Variants in CAVIN1 observed in about 807,000 individuals in gnomAD.
The protein encoded by CAVIN1 is caveolae associated protein 1.
Under a neutral mutation model 24.0 loss-of-function variants are expected in CAVIN1, and 16 were observed. The ratio of observed to expected loss-of-function variants is 0.67; its 90% CI spans 0.45 to 1.01. The LOEUF (loss-of-function observed/expected upper bound fraction) is 1.01, where lower values mean the gene tolerates loss of function less well. Ranked by LOEUF, CAVIN1 falls within the 50% of genes least tolerant of loss-of-function variation. CAVIN1 has a pLI of 0.00. For synonymous variants in CAVIN1, 256 were observed against 256.4 expected (o/e 1.00, Z 0.02); for missense variants, 510 against 551.7 (o/e 0.92, Z 0.76).
At chr17:42,414,861 C>G (rs1422429804) in intron 1 of CAVIN1, among the ~76,000 whole-genome samples, 1 of 151,864 alleles carries the variant, frequency 6.6e-6, no homozygotes, top group Non-Finnish European at 1.5e-5. Flanking sequence ...TGTGTGGAGT[C>G]CCTGCCAGGG....
chr17:42,407,562 C>T (rs2085453145), intron 1 of CAVIN1, among the ~76,000 whole-genome samples: 1 of 152,160 alleles, frequency 6.6e-6, no homozygotes, highest in African/African-American at 2.4e-5. Flanking sequence ...CCCTTCTTGT[C>T]AATAGCATTA....
intron 1 of CAVIN1, among the ~76,000 whole-genome samples, chr17:42,420,097 C>T (rs2085536333): frequency 6.6e-6 from 1 of 152,068 alleles, no homozygotes; most frequent in South Asian, 2.1e-4. Flanking sequence ...GCCCCCACTG[C>T]CACATCATCA....
At position 42,411,207 on chromosome 17, in the gene CAVIN1, A is replaced by AAAAAAAAAAAAAAAAAAAAAAAAAC. The variant is rs758609413; in HGVS notation, c.472-5820_472-5819insGTTTTTTTTTTTTTTTTTTTTTTTT. ...GACTATGTCTCAAAAAAAAAAAAAA[A>AAAAAAAAAAAAAAAAAAAAAAAAAC]AACTAAAAGGTCTGTATATGGGAGT... On this transcript the variant is annotated intron_variant, in intron 1 of 1. Transcript: ENST00000357037. 3.3e-4 allele frequency among the ~76,000 whole-genome samples: 42 copies of AAAAAAAAAAAAAAAAAAAAAAAAAC among 127,606 alleles called. 1 individual carries two copies. Among genetic ancestry groups the AAAAAAAAAAAAAAAAAAAAAAAAAC allele is most frequent in the African/African-American group, 4.2e-4 (15 of 35,654 alleles). 83.7% of individuals were successfully genotyped at this position (127,606 alleles called of 152,430 possible).
chr17:42,423,229 C>A lies in CAVIN1; in HGVS notation c.-132G>T. On this transcript the variant is annotated 5_prime_UTR_variant, in exon 1 of 2. Transcript: ENST00000357037. The stretch of plus-strand genomic sequence containing the variant: ...GAGCAGAGGAAACTCGAGCCACGTC[C>A]GTGCGCACCGGGACAGCGGCCAGAA... 1.4e-6 allele frequency: 1 copy of A among 733,398 alleles called. No homozygotes were observed. The highest frequency in any genetic ancestry group is 1.9e-5 in the South Asian group (1 of 52,814). 45.4% of individuals were successfully genotyped at this position (733,398 alleles called of 1,614,324 possible).
intron 1 of CAVIN1, among the ~76,000 whole-genome samples, chr17:42,407,463 C>G (rs2085452478): frequency 6.6e-6 from 1 of 152,078 alleles, no homozygotes; most frequent in Non-Finnish European, 1.5e-5. Context: ...CCCCAGCCCC[C>G]AACCTCTTTC....
Position 42,422,941 on chromosome 17 carries a change from G to C in CAVIN1, c.157C>G (p.Leu53Val), listed in dbSNP as rs766972533. Residue 53 changes from leucine (L) to valine (V), a missense_variant, in exon 1 of 2, where the codon CTG (leucine) becomes GTG (valine). Transcript: ENST00000357037. Reference protein sequence around the residue: ...LIKSDQVNGVLVLSLLDKIIG... With the variant: ...LIKSDQVNGVVVLSLLDKIIG... ...ATTTTGTCCAGGAGGCTCAGCACCA[G>C]CACGCCGTTCACCTGGTCCGACTTG... The C allele has an allele frequency of 1.5e-5, 25 of 1,613,914 alleles. No homozygotes were observed. The highest frequency in any genetic ancestry group is 2.1e-5 in the Non-Finnish European group (25 of 1,180,010).
In CAVIN1 at chr17:42,404,960, G is replaced by A; in HGVS notation, c.900C>T (p.Ser300=). Residue 300 remains serine, a synonymous_variant, in exon 2 of 2, where the codon TCC becomes TCT. Coordinates refer to ENST00000357037, the MANE Select transcript of CAVIN1 (RefSeq NM_012232.6). ...LKTSRDKLRK[S]FTPDHVVYAR... ...CGTACACCACGTGGTCGGGCGTGAA[G>A]GATTTGCGCAACTTGTCCCGCGACG... is the stretch of plus-strand genomic sequence containing the variant. The A allele has an allele frequency of 6.2e-7, 1 of 1,614,154 alleles. No individual in the cohort carries two copies. The highest frequency in any genetic ancestry group is 8.5e-7 in the Non-Finnish European group (1 of 1,180,004).
intron 1 of CAVIN1, chr17:42,411,625 G>T: frequency 1.0e-6 from 1 of 985,406 alleles, no homozygotes; most frequent in Middle Eastern, 5.2e-4. Context: ...CAGGGAGTGG[G>T]TGGAGAGGGC....
intron 1 of CAVIN1, among the ~76,000 whole-genome samples, chr17:42,412,560 A>ATTTTT (rs60982549): frequency 0.068 from 8,497 of 125,670 alleles, 429 homozygotes; most frequent in Admixed American, 0.087. Flanking sequence ...AACCCGGCTA[A>ATTTTT]TTTTTTTTTT....
chr17:42,413,613 C>CCAAAAG (rs1484886900), intron 1 of CAVIN1, among the ~76,000 whole-genome samples: 1 of 128,594 alleles, frequency 7.8e-6, no homozygotes, highest in African/African-American at 2.8e-5. Flanking sequence ...GTCCCTGGGG[C>CCAAAAG]CAAAAGGGGT....
intron 1 of CAVIN1, among the ~76,000 whole-genome samples, chr17:42,406,787 C>A (rs2085449253): frequency 1.3e-5 from 2 of 151,368 alleles, no homozygotes; most frequent in Admixed American, 6.6e-5. Flanking sequence ...GGTCATTCTC[C>A]CCCTCCCCCA....
In CAVIN1 at chr17:42,404,032, A is replaced by G. The variant is rs1443569688; in HGVS notation, c.*655T>C. The stretch of plus-strand genomic sequence containing the variant: ...TAAACACATCAGTGTGCCATCCCTC[A>G]CATGCATGTCGTTCCCCACCCCTCC... On this transcript the variant is annotated 3_prime_UTR_variant, in exon 2 of 2. Coordinates refer to ENST00000357037, the MANE Select transcript of CAVIN1 (RefSeq NM_012232.6). The G allele has an allele frequency of 6.6e-6, 1 of 152,578 alleles. No homozygotes were observed. The highest frequency in any genetic ancestry group is 1.5e-5 in the Non-Finnish European group (1 of 68,346). 9.5% of individuals were successfully genotyped at this position (152,578 alleles called of 1,614,324 possible). A position where few individuals can be genotyped will look rare whatever the true frequency, so the allele number is the denominator to read the frequency against.
chr17:42,420,394 G>C (rs148775827), intron 1 of CAVIN1, among the ~76,000 whole-genome samples: 1 of 152,318 alleles, frequency 6.6e-6, no homozygotes, highest in East Asian at 1.9e-4. Context: ...TCCCCACCTG[G>C]AACATCTGCT....
At chr17:42,420,281 T>C (rs1380770539) in intron 1 of CAVIN1, among the ~76,000 whole-genome samples, 1 of 152,208 alleles carries the variant, frequency 6.6e-6, no homozygotes. Flanking sequence ...TCTTCCCTAA[T>C]AGGCCTGCCA....
intron 1 of CAVIN1, among the ~76,000 whole-genome samples, chr17:42,407,583 A>C (rs535586608): frequency 6.6e-6 from 1 of 152,236 alleles, no homozygotes; most frequent in East Asian, 1.9e-4. Context: ...GCAGGGACAA[A>C]GAGGGAATGC....
chr17:42,412,397 T>A lies in CAVIN1; in HGVS notation c.472-7009A>T, dbSNP rs919001372. ...AGGATGGAAATAAACCACTTTTTTT[T>A]TTTTTTTTTTTTTAGAAATGGGGGT... On this transcript the variant is annotated intron_variant, in intron 1 of 1. Coordinates refer to ENST00000357037, the MANE Select transcript of CAVIN1 (RefSeq NM_012232.6). 9 of 580,054 alleles carry A rather than the reference T, an allele frequency of 1.6e-5. No homozygotes were observed. In the African/African-American group the frequency reaches 1.6e-4, roughly 10 times the overall value. The allele number at this position is 580,054 out of a possible 1,614,324, so 35.9% of individuals were successfully genotyped here. A position where few individuals can be genotyped will look rare whatever the true frequency, so the allele number is the denominator to read the frequency against.
At chr17:42,419,305 GTTATTATTA>G (rs143185919) in intron 1 of CAVIN1, among the ~76,000 whole-genome samples, 1 of 150,096 alleles carries the variant, frequency 6.7e-6, no homozygotes, top group African/African-American at 2.5e-5. Flanking sequence ...ATTTATTGTT[GTTATTATTA>G]TTATTATTAT....
chr17:42,404,689 A>C lies in CAVIN1; in HGVS notation c.1171T>G (p.Ter391GlyextTer31). Residue 391 changes from the stop codon to glycine (G), a stop_lost, in exon 2 of 2, where the codon TGA becomes GGA. Transcript: ENST00000357037. ...GGGTGGGTGGCAGCGGGGGCGGCTCAGTCGCTGTCGCTCTTGTCCACCAGC... is the reference window on the plus strand; with the variant it reads ...GGGTGGGTGGCAGCGGGGGCGGCTCCGTCGCTGTCGCTCTTGTCCACCAGC... ...AVLVDKSDSD[*>G] 6.9e-7 allele frequency: 1 copy of C among 1,458,396 alleles called. No homozygotes were observed. The highest frequency in any genetic ancestry group is 9.0e-7 in the Non-Finnish European group (1 of 1,110,850). The allele number at this position is 1,458,396 out of a possible 1,614,324, so 90.3% of individuals were successfully genotyped here. A position where few individuals can be genotyped will look rare whatever the true frequency, so the allele number is the denominator to read the frequency against.
intron 1 of CAVIN1, 131 bp from the exon 2 acceptor site, chr17:42,405,519 G>A: frequency 2.2e-6 from 2 of 925,688 alleles, no homozygotes; most frequent in Non-Finnish European, 3.5e-6. Context: ...ACTGGCGGGC[G>A]CTCAATAAAT....
Sources: allele counts gnomAD v4.1 joint callset (sites outside exome capture counted in the v4.1 genomes callset), GRCh38; gene constraint gnomAD v4.1.1; transcripts MANE v1.5; gene names NCBI Gene and HGNC (gene_info 2026-07-23, HGNC 2026-07-21).